The following DIP2A variants were observed in gnomAD, a reference collection of about 807,000 sequenced individuals.
DIP2A encodes the protein disco-interacting protein 2 homolog A.
In DIP2A, 85 loss-of-function variants were observed where a neutral mutation model predicts 177.4. That is an observed-to-expected ratio of 0.48 (90% CI 0.40 to 0.57). The LOEUF (loss-of-function observed/expected upper bound fraction) is 0.57, where lower values mean the gene tolerates loss of function less well. Among genes scored for constraint, DIP2A ranks in the 20% least tolerant of loss-of-function variants. The pLI is 0.00. For synonymous variants in DIP2A, 886 were observed against 881.8 expected (o/e 1.00, Z -0.08); for missense variants, 1,791 against 2,100.2 (o/e 0.85, Z 2.88).
Position 46,537,263 on chromosome 21 carries a change from C to CTA in DIP2A, c.1683_1684insAT (p.Gly562MetfsTer8). The CTA allele has an allele frequency of 6.2e-7, 1 of 1,614,022 alleles. No homozygotes were observed. Among genetic ancestry groups the CTA allele is most frequent in the Non-Finnish European group, 8.5e-7 (1 of 1,179,888 alleles). Reference sequence around the variant, plus strand: ...AACGTGCTGGATTTCAAAAGGGATGCTGGTCTGTGGCATGGCGTGTTAACA... The same window carrying CTA: ...AACGTGCTGGATTTCAAAAGGGATGCTATGGTCTGTGGCATGGCGTGTTAACA... On this transcript the variant is annotated frameshift_variant, in exon 14 of 38. Coordinates refer to ENST00000417564, the MANE Select transcript of DIP2A (RefSeq NM_015151.4). LOFTEE classifies it high-confidence loss of function. This position sits in a 1 kb window ranked among gnomAD's most constrained non-coding sequence, Gnocchi z 4.1.
rs2060886024 is a variant in DIP2A, at chr21:46,568,131, G to A, written c.*509G>A. ...TGCCTCACTTCTGTTTCACAGGGAGGCTGATGGAAAAAGGAAGCAAGCTGG... is the reference window on the plus strand; with the variant it reads ...TGCCTCACTTCTGTTTCACAGGGAGACTGATGGAAAAAGGAAGCAAGCTGG... On this transcript the variant is annotated 3_prime_UTR_variant, in exon 38 of 38. Transcript: ENST00000417564. The A allele has an allele frequency of 6.6e-6, 1 of 152,530 alleles. No homozygotes were observed. Among genetic ancestry groups the A allele is most frequent in the South Asian group, 2.1e-4 (1 of 4,836 alleles). The allele number at this position is 152,530 out of a possible 1,614,324, so 9.4% of individuals were successfully genotyped here.
intron 8 of DIP2A, among the ~76,000 whole-genome samples, chr21:46,512,581 G>A (rs1179012119): frequency 2.6e-5 from 4 of 152,080 alleles, no homozygotes; most frequent in African/African-American, 9.7e-5. Flanking sequence ...CCACATTTAT[G>A]TACTATTCAA....
chr21:46,494,013 C>T (rs1412127045), intron 3 of DIP2A, among the ~76,000 whole-genome samples: 1 of 152,136 alleles, frequency 6.6e-6, no homozygotes, highest in African/African-American at 2.4e-5. Flanking sequence ...ATAATATTCT[C>T]GATCTCTGTC....
At chr21:46,543,496 T>C (rs947328903) in intron 18 of DIP2A, among the ~76,000 whole-genome samples, 2 of 145,500 alleles carry the variant, frequency 1.4e-5, no homozygotes, top group Non-Finnish European at 3.0e-5. Context: ...CTCCCCCAGG[T>C]GTGTGCATGC....
chr21:46,583,029 G>T, the DIP2A span, among the ~76,000 whole-genome samples: 1 of 152,052 alleles, frequency 6.6e-6, no homozygotes, highest in Non-Finnish European at 1.5e-5. Context: ...TTTATTCAAA[G>T]ATACAAATAG....
chr21:46,477,487 A>G (rs1165154375), intron 1 of DIP2A, among the ~76,000 whole-genome samples: 1 of 148,666 alleles, frequency 6.7e-6, no homozygotes, highest in Non-Finnish European at 1.5e-5. Flanking sequence ...AGATTGCGCC[A>G]CTGCACTCCA....
At chr21:46,496,902 GA>G (rs1173357111) in intron 3 of DIP2A, 85 bp from the exon 4 acceptor site, 6 of 1,417,566 alleles carry the variant, frequency 4.2e-6, no homozygotes, top group Middle Eastern at 1.8e-4. Context: ...TACCCCCACT[GA>G]AAACAAACAA....
chr21:46,495,248 C>T (rs866189220), intron 3 of DIP2A, among the ~76,000 whole-genome samples: 832 of 76,820 alleles, frequency 0.011, 2 homozygotes, highest in African/African-American at 0.012. Context: ...TCTTCTTTCT[C>T]TCTCTCTCTC....
chr21:46,535,311 C>T (rs2059520392), intron 13 of DIP2A, among the ~76,000 whole-genome samples: 1 of 137,016 alleles, frequency 7.3e-6, no homozygotes, highest in Non-Finnish European at 1.7e-5. Context: ...TTATGGGGTA[C>T]ACTGTGACAA....
At position 46,550,606 on chromosome 21, in the gene DIP2A, C is replaced by T. The variant is rs778738281; in HGVS notation, c.2701C>T (p.Pro901Ser). ...GGCCCTGGTTCCTGCCAACACCTTGCCCAAGGCTCCTCTCGGAGGGATTCA... is the reference window on the plus strand; with the variant it reads ...GGCCCTGGTTCCTGCCAACACCTTGTCCAAGGCTCCTCTCGGAGGGATTCA... ...CLALVPANTL[P>S]KAPLGGIHIS... The change falls in exon 23 of 38, where the codon CCC becomes TCC. Residue 901 changes from proline to serine, a missense_variant. Transcript: ENST00000417564. 2 of 1,613,852 alleles carry T rather than the reference C, an allele frequency of 1.2e-6. No individual in the cohort carries two copies. Among genetic ancestry groups the T allele is most frequent in the East Asian group, 2.2e-5 (1 of 44,876 alleles).
At position 46,547,050 on chromosome 21, in the gene DIP2A, G is replaced by T. The variant is rs373435101; in HGVS notation, c.2522+8G>T. 8.7e-6 allele frequency: 14 copies of T among 1,612,008 alleles called. No homozygotes were observed. Among genetic ancestry groups the T allele is most frequent in the African/African-American group, 1.3e-5 (1 of 74,908 alleles). ...GTTTGTCTACAGAGGCAGGTGATGC[G>T]CTGCGGACCCCCACGCCGGGAGTAG... On this transcript the variant is annotated splice_region_variant and intron_variant, in intron 21 of 37. Coordinates refer to ENST00000417564, the MANE Select transcript of DIP2A (RefSeq NM_015151.4).
At chr21:46,565,392 CG>C in intron 35 of DIP2A, among the ~76,000 whole-genome samples, 1 of 152,330 alleles carries the variant, frequency 6.6e-6, no homozygotes, top group South Asian at 2.1e-4. Context: ...GGGTTGCTCC[CG>C]GCCCTCTCTT....
Position 46,532,221 on chromosome 21 carries a change from T to G in DIP2A, c.1289T>G (p.Val430Gly). The G allele has an allele frequency of 6.2e-7, 1 of 1,613,836 alleles. No homozygotes were observed. Among genetic ancestry groups the G allele is most frequent in the Non-Finnish European group, 8.5e-7 (1 of 1,179,820 alleles). ...GAGCTGGTTCCTGTCCCCATAGAAGTGCCATTAACAAGAAAGGTAGCAAAC... is the reference window on the plus strand; with the variant it reads ...GAGCTGGTTCCTGTCCCCATAGAAGGGCCATTAACAAGAAAGGTAGCAAAC... ...LAELVPVPIE[V>G]PLTRKDAGSQ... Residue 430 changes from valine to glycine, a missense_variant, in exon 10 of 38, where the codon GTG becomes GGG. Physicochemically the swap from Val to Gly is moderately radical, Grantham distance 109. Coordinates refer to ENST00000417564, the MANE Select transcript of DIP2A (RefSeq NM_015151.4).
rs745352405 is a variant in DIP2A, at chr21:46,497,006, T to C, written c.302T>C (p.Val101Ala). 1.2e-6 allele frequency: 2 copies of C among 1,613,160 alleles called. No individual in the cohort carries two copies. Among genetic ancestry groups the C allele is most frequent in the East Asian group, 4.5e-5 (2 of 44,816 alleles). ...TGTGTAGATGTCCACACTGAAGCCGTGCAAGCAGCTTTGGCCAAATACAAA... is the reference window on the plus strand; with the variant it reads ...TGTGTAGATGTCCACACTGAAGCCGCGCAAGCAGCTTTGGCCAAATACAAA... The part of the protein sequence containing the change: ...RFRSDVHTEA[V>A]QAALAKYKER... Residue 101 changes from valine to alanine, a missense_variant, in exon 4 of 38, where the codon GTG becomes GCG. By Grantham distance (64) the Val-to-Ala change is moderately conservative. Transcript: ENST00000417564.
Position 46,531,122 on chromosome 21 carries a change from G to A in DIP2A, c.1195-1005G>A, listed in dbSNP as rs146048527. ...AGGACCACAGTGGAGGCCCCAGGAC[G>A]ATCACTGGCAGCAGTCCAGGGGGGG... On this transcript the variant is annotated intron_variant, in intron 9 of 37. Transcript: ENST00000417564. Among the ~76,000 whole-genome samples, 27 of 152,112 alleles carry A rather than the reference G, an allele frequency of 1.8e-4. No homozygotes were observed. In the East Asian group the frequency reaches 3.9e-3, roughly 22 times the overall value.
chr21:46,466,283 G>A (rs1434554487), intron 1 of DIP2A, among the ~76,000 whole-genome samples: 1 of 151,348 alleles, frequency 6.6e-6, no homozygotes, highest in Non-Finnish European at 1.5e-5. Flanking sequence ...TAGACCAATG[G>A]ATTTTAATGT....
Position 46,537,054 on chromosome 21 carries a change from T to A in DIP2A, c.1643-170T>A, listed in dbSNP as rs113770381. On this transcript the variant is annotated intron_variant, in intron 13 of 37. Transcript: ENST00000417564. The surrounding 1 kb of genome is among the most constrained non-coding windows in gnomAD (Gnocchi z 4.1). ...CTACTTTTATGTGTTTCCAGTAATT[T>A]GAATAGATAACCAGGATTATTATTA... 1.9e-3 allele frequency among the ~76,000 whole-genome samples: 285 copies of A among 152,344 alleles called. 5 individuals carry two copies. The highest frequency in any genetic ancestry group is 6.5e-3 in the African/African-American group (269 of 41,584).
intron 6 of DIP2A, among the ~76,000 whole-genome samples, chr21:46,506,299 G>T (rs1422687336): frequency 6.6e-6 from 1 of 152,086 alleles, no homozygotes; most frequent in Non-Finnish European, 1.5e-5. Flanking sequence ...TGCATTTTCA[G>T]TAGAGATGGG....
Position 46,549,785 on chromosome 21 carries a change from C to G in DIP2A, c.2537C>G (p.Ser846Cys), listed in dbSNP as rs763739870. ...FVYRGRIAVF[S>C]VTVLHDDRIV... The stretch of plus-strand genomic sequence containing the variant: ...TCATCCCGCAGGATCGCTGTGTTCT[C>G]TGTGACCGTGCTGCACGACGACCGG... The change falls in exon 22 of 38, where the codon TCT (serine) becomes TGT (cysteine). Residue 846 changes from serine (S) to cysteine (C), a missense_variant. Transcript: ENST00000417564. 1 of 1,613,820 alleles carries G rather than the reference C, an allele frequency of 6.2e-7. No homozygotes were observed. The highest frequency in any genetic ancestry group is 1.7e-5 in the Admixed American group (1 of 60,026).
Sources: gnomAD v4.1 joint callset for allele counts (sites outside exome capture counted in the v4.1 genomes callset) on GRCh38, gnomAD v4.1.1 for gene constraint, Gnocchi (gnomAD v3.1) non-coding constraint, MANE v1.5 for transcripts, NCBI Gene and HGNC (gene_info 2026-07-23, HGNC 2026-07-21) for gene names.